The following EEFSEC variants were observed in gnomAD, a reference collection of about 807,000 sequenced individuals.
The protein encoded by EEFSEC is eukaryotic elongation factor, selenocysteine-tRNA specific, also known as selenocysteine-specific elongation factor.
A neutral mutation model predicts 42.1 loss-of-function variants in EEFSEC; 43 were observed. That is an observed-to-expected ratio of 1.02 (90% CI 0.80 to 1.32). EEFSEC has a LOEUF of 1.32. EEFSEC is among the 40% of genes most tolerant of loss of function. EEFSEC has a pLI of 0.00. For missense variants in EEFSEC, 745 were observed against 803.6 expected, an observed-to-expected ratio of 0.93 and a Z score of 0.88; for synonymous variants, 354 against 339.1, an observed-to-expected ratio of 1.04 and a Z score of -0.48.
chr3:128,293,261 G>A (rs765463950), intron 4 of EEFSEC, among the ~76,000 whole-genome samples: 9 of 152,204 alleles, frequency 5.9e-5, no homozygotes, highest in Non-Finnish European at 1.0e-4. Flanking sequence ...GCAGATGATA[G>A]CAGGTGTTGG....
intron 1 of EEFSEC, among the ~76,000 whole-genome samples, chr3:128,228,874 A>G (rs1427600667): frequency 1.3e-5 from 2 of 152,222 alleles, no homozygotes; most frequent in East Asian, 3.8e-4. Context: ...ACTACATTAA[A>G]TGTCACCTAT....
chr3:128,292,337 A>G (rs998741069), intron 4 of EEFSEC, among the ~76,000 whole-genome samples: 2 of 152,072 alleles, frequency 1.3e-5, no homozygotes, highest in African/African-American at 4.8e-5. Flanking sequence ...CCTCATAAAA[A>G]GAGAAGAAGT....
At position 128,390,849 on chromosome 3, in the gene EEFSEC, C is replaced by T. The variant is rs368667662; in HGVS notation, c.1601-17220C>T. On this transcript the variant is annotated intron_variant, in intron 6 of 6. Transcript: ENST00000254730. ...TCCTGCTCTCCCCACACGCTGGCCC[C>T]AGTGCTGGCCCTTGGGGCCTTTGCT... Among the ~76,000 whole-genome samples the T allele has an allele frequency of 3.3e-5, 5 of 152,372 alleles. No individual in the cohort carries two copies. The South Asian group carries it at 1.0e-3, about 32-fold the overall frequency.
At chr3:128,335,279 C>G (rs2067177419) in intron 4 of EEFSEC, among the ~76,000 whole-genome samples, 1 of 152,170 alleles carries the variant, frequency 6.6e-6, no homozygotes, top group Admixed American at 6.5e-5. Flanking sequence ...AAAGGGATGC[C>G]AAGCGTTGGG....
intron 4 of EEFSEC, among the ~76,000 whole-genome samples, chr3:128,335,804 G>A (rs1379199365): frequency 1.3e-5 from 2 of 152,218 alleles, no homozygotes; most frequent in African/African-American, 2.4e-5. Flanking sequence ...GGGACAGGAA[G>A]GGGTCAGGCA....
intron 2 of EEFSEC, among the ~76,000 whole-genome samples, chr3:128,255,413 T>C (rs2107915928): frequency 6.6e-6 from 1 of 152,306 alleles, no homozygotes; most frequent in Non-Finnish European, 1.5e-5. Flanking sequence ...CACTGGGAGC[T>C]GCTCTTGACC....
At chr3:128,420,160 G>A in the EEFSEC span, among the ~76,000 whole-genome samples, 4 of 152,366 alleles carry the variant, frequency 2.6e-5, no homozygotes, top group South Asian at 8.3e-4. Context: ...GAGTCAGAGA[G>A]GCCCCGCGCA....
intron 4 of EEFSEC, among the ~76,000 whole-genome samples, chr3:128,266,196 A>G (rs906468968): frequency 8.5e-5 from 13 of 152,198 alleles, no homozygotes; most frequent in Non-Finnish European, 5.9e-5. Context: ...TGTTAATCTC[A>G]TCTGAAAACA....
intron 4 of EEFSEC, among the ~76,000 whole-genome samples, chr3:128,329,525 G>T (rs994743068): frequency 1.3e-5 from 2 of 152,220 alleles, no homozygotes; most frequent in African/African-American, 4.8e-5. Flanking sequence ...GGGGCTGTGG[G>T]GGCCAAGGTG....
At chr3:128,413,715 A>G in the EEFSEC span, among the ~76,000 whole-genome samples, 1 of 152,122 alleles carries the variant, frequency 6.6e-6, no homozygotes. Context: ...CTGGGAGCCC[A>G]GGCTGACCTG....
intron 6 of EEFSEC, among the ~76,000 whole-genome samples, chr3:128,359,355 G>T (rs539922448): frequency 8.4e-4 from 128 of 152,310 alleles, no homozygotes; most frequent in African/African-American, 2.9e-3. Flanking sequence ...AAGGACTAAA[G>T]CCTGTGTTCG....
At chr3:128,161,388 G>A (rs535928480) in intron 1 of EEFSEC, among the ~76,000 whole-genome samples, 3 of 152,256 alleles carry the variant, frequency 2.0e-5, no homozygotes, top group African/African-American at 7.2e-5. Flanking sequence ...GTGGCTGTGA[G>A]GATTAACAGT....
At chr3:128,247,251 A>C (rs975055130) in intron 2 of EEFSEC, among the ~76,000 whole-genome samples, 1 of 152,240 alleles carries the variant, frequency 6.6e-6, no homozygotes. Flanking sequence ...CCACAGGAGC[A>C]TAAAGAAACT....
intron 4 of EEFSEC, among the ~76,000 whole-genome samples, chr3:128,281,210 T>G (rs2066522551): frequency 6.6e-6 from 1 of 152,234 alleles, no homozygotes; most frequent in African/African-American, 2.4e-5. Flanking sequence ...CGGACCCTCC[T>G]TCTGAGCATA....
intron 4 of EEFSEC, among the ~76,000 whole-genome samples, chr3:128,280,815 T>C (rs1391467851): frequency 6.6e-6 from 1 of 152,228 alleles, no homozygotes; most frequent in African/African-American, 2.4e-5. Context: ...CCCTCCCAGC[T>C]GTTTCTGCTC....
chr3:128,245,182 G>A (rs955259516), intron 1 of EEFSEC, among the ~76,000 whole-genome samples: 2 of 152,212 alleles, frequency 1.3e-5, no homozygotes, highest in Non-Finnish European at 2.9e-5. Flanking sequence ...GGCCACATCT[G>A]AGCTGCAGCA....
intron 6 of EEFSEC, among the ~76,000 whole-genome samples, chr3:128,385,047 G>A (rs905267383): frequency 1.3e-5 from 2 of 152,194 alleles, no homozygotes; most frequent in Non-Finnish European, 2.9e-5. Flanking sequence ...CCCCATAGAT[G>A]TCAGGCTTCC....
chr3:128,374,597 C>T (rs750639600), intron 6 of EEFSEC, among the ~76,000 whole-genome samples: 3 of 152,082 alleles, frequency 2.0e-5, no homozygotes, highest in African/African-American at 7.2e-5. Flanking sequence ...TAAAGGCACA[C>T]TGAATAAAAG....
At chr3:128,354,233 C>T (rs947024590) in intron 5 of EEFSEC, among the ~76,000 whole-genome samples, 2 of 152,168 alleles carry the variant, frequency 1.3e-5, no homozygotes, top group African/African-American at 4.8e-5. Flanking sequence ...CACAGAAGTT[C>T]GCAGGAGAGT....
Sources: allele counts gnomAD v4.1 joint callset (sites outside exome capture counted in the v4.1 genomes callset), GRCh38; gene constraint gnomAD v4.1.1; transcripts MANE v1.5; gene names NCBI Gene and HGNC (gene_info 2026-07-23, HGNC 2026-07-21).